PAM: variants seen among roughly 807,000 people sequenced by gnomAD.
PAM encodes peptidyl-glycine alpha-amidating monooxygenase.
A neutral mutation model predicts 122.1 loss-of-function variants in PAM; 72 were observed. That is an observed-to-expected ratio of 0.59 (90% confidence interval 0.49 to 0.72). The LOEUF (loss-of-function observed/expected upper bound fraction) is 0.72, where lower values mean the gene tolerates loss of function less well. PAM is among the 30% of genes least tolerant of loss of function. PAM has a pLI of 0.00. For synonymous variants in PAM, 389 were observed against 404.4 expected (o/e 0.96, Z 0.46); for missense variants, 1,106 against 1,183.7 (o/e 0.93, Z 0.96).
chr5:102,773,767 G>A (rs1756413799), intron 1 of PAM, among the ~76,000 whole-genome samples: 1 of 151,954 alleles, frequency 6.6e-6, no homozygotes, highest in African/African-American at 2.4e-5. Context: ...ACATGTGAAG[G>A]TGTGTTACAT....
chr5:103,007,296 T>C (rs1251639428), intron 19 of PAM, among the ~76,000 whole-genome samples, 161 bp from the exon 20 acceptor site: 2 of 152,130 alleles, frequency 1.3e-5, no homozygotes, highest in Non-Finnish European at 2.9e-5. Context: ...TATTTGTGGA[T>C]AAAAGACATT....
chr5:102,934,014 G>T (rs1752446013), intron 7 of PAM, among the ~76,000 whole-genome samples: 1 of 152,158 alleles, frequency 6.6e-6, no homozygotes, highest in Non-Finnish European at 1.5e-5. Context: ...CTGCTTTCCA[G>T]TGAGATACAT....
At chr5:103,008,981 C>G (rs560353910) in intron 20 of PAM, among the ~76,000 whole-genome samples, 1 of 152,162 alleles carries the variant, frequency 6.6e-6, no homozygotes, top group Non-Finnish European at 1.5e-5. Context: ...TCCTAGAAAA[C>G]TATAATCCTT....
intron 1 of PAM, among the ~76,000 whole-genome samples, chr5:102,779,322 T>G (rs2149835950): frequency 6.6e-6 from 1 of 152,022 alleles, no homozygotes; most frequent in Non-Finnish European, 1.5e-5. Flanking sequence ...TAAGATAATG[T>G]GTATTTCATT....
At chr5:102,993,693 T>G (rs1184665104) in intron 16 of PAM, among the ~76,000 whole-genome samples, 5 of 152,136 alleles carry the variant, frequency 3.3e-5, no homozygotes, top group African/African-American at 1.2e-4. Flanking sequence ...CATCAGGATC[T>G]GTTTTACAGC....
intron 1 of PAM, among the ~76,000 whole-genome samples, chr5:102,835,577 A>C (rs1776794605): frequency 6.6e-6 from 1 of 152,168 alleles, no homozygotes; most frequent in Non-Finnish European, 1.5e-5. Context: ...CACAAGTGTG[A>C]GGGAAATTAT....
intron 15 of PAM, among the ~76,000 whole-genome samples, chr5:102,981,401 A>G (rs1769794263): frequency 6.6e-6 from 1 of 152,240 alleles, no homozygotes; most frequent in Admixed American, 6.5e-5. Context: ...ATTGATAGTA[A>G]TCAGCCAATT....
rs1781887267 is a variant in PAM at position 103,016,042 on chromosome 5, C to G, written c.2332-1292C>G. ...CTATCATTTGGTAGTCTTTTGCCATCCATTAACTGAACCTCCCAAAAAAGA... is the reference window on the plus strand; with the variant it reads ...CTATCATTTGGTAGTCTTTTGCCATGCATTAACTGAACCTCCCAAAAAAGA... On this transcript the variant is annotated intron_variant, in intron 21 of 25. Transcript: ENST00000438793. Among the ~76,000 whole-genome samples the G allele has an allele frequency of 2.0e-5, 3 of 152,234 alleles. No individual in the cohort carries two copies. The South Asian group carries it at 6.2e-4, about 32-fold the overall frequency.
chr5:102,851,143 T>C (rs1382239859), intron 1 of PAM, among the ~76,000 whole-genome samples: 1 of 152,202 alleles, frequency 6.6e-6, no homozygotes, highest in Non-Finnish European at 1.5e-5. Context: ...AAAAGTGGGA[T>C]TGCTTTCCCT....
intron 24 of PAM, 100 bp downstream of exon 24, chr5:103,025,434 G>T: frequency 2.2e-6 from 2 of 908,034 alleles, no homozygotes; most frequent in Admixed American, 2.1e-5. Context: ...CACTGTATTT[G>T]TTTTTTTGTT....
intron 15 of PAM, among the ~76,000 whole-genome samples, chr5:102,982,332 T>C (rs1052320708): frequency 2.6e-5 from 4 of 152,132 alleles, no homozygotes; most frequent in Non-Finnish European, 5.9e-5. Context: ...TCAGTGCTGA[T>C]ACTGCCTTTA....
At chr5:102,852,821 T>C (rs985727244) in intron 1 of PAM, among the ~76,000 whole-genome samples, 8 of 152,188 alleles carry the variant, frequency 5.3e-5, no homozygotes. Flanking sequence ...GTAAACTTGA[T>C]TACACATACA....
intron 16 of PAM, among the ~76,000 whole-genome samples, chr5:102,993,312 C>A (rs985095011): frequency 2.0e-5 from 3 of 152,078 alleles, no homozygotes; most frequent in Non-Finnish European, 4.4e-5. Context: ...CCAGCAGGAA[C>A]TGGGTAGCTT....
intron 1 of PAM, among the ~76,000 whole-genome samples, chr5:102,855,718 G>A (rs2150790566): frequency 6.6e-6 from 1 of 151,882 alleles, no homozygotes; most frequent in Middle Eastern, 3.4e-3. Flanking sequence ...AATCAAACAG[G>A]AAAAAAAGTC....
At chr5:102,885,213 A>G (rs1008444858) in intron 3 of PAM, among the ~76,000 whole-genome samples, 1 of 151,920 alleles carries the variant, frequency 6.6e-6, no homozygotes, top group Non-Finnish European at 1.5e-5. Context: ...AAATATCACT[A>G]GAACATTTTA....
In PAM at chr5:102,838,155, C is replaced by T. The variant is rs1046031029; in HGVS notation, c.-373-27668C>T. The T allele has an allele frequency of 9.7e-4, 148 of 152,190 alleles. 1 individual carries two copies. Among genetic ancestry groups the T allele is most frequent in the Admixed American group, 9.7e-3 (148 of 15,272 alleles). 9.4% of individuals were successfully genotyped at this position (152,190 alleles called of 1,614,324 possible). A position where few individuals can be genotyped will look rare whatever the true frequency, so the allele number is the denominator to read the frequency against. Reference sequence around the variant, plus strand: ...TTTTAAAAATGTAAATAAGTATCATCAATTTGTGGATTAGCAGTCATTGCC... The same window carrying T: ...TTTTAAAAATGTAAATAAGTATCATTAATTTGTGGATTAGCAGTCATTGCC... On this transcript the variant is annotated intron_variant, in intron 1 of 25. Coordinates refer to ENST00000438793, the MANE Select transcript of PAM (RefSeq NM_001177306.2).
chr5:102,906,744 C>T lies in PAM; in HGVS notation c.268+5331C>T, dbSNP rs1799670477. ...TTGTGATTATTAAGTGAGGGAGTTGCCTAATGAGAATGAGGAGTGGATGTA... is the reference window on the plus strand; with the variant it reads ...TTGTGATTATTAAGTGAGGGAGTTGTCTAATGAGAATGAGGAGTGGATGTA... On this transcript the variant is annotated intron_variant, in intron 4 of 25. Coordinates refer to ENST00000438793, the MANE Select transcript of PAM (RefSeq NM_001177306.2). 2.0e-5 allele frequency among the ~76,000 whole-genome samples: 3 copies of T among 151,566 alleles called. No individual in the cohort carries two copies. In the Admixed American group the frequency reaches 2.0e-4, roughly 10 times the overall value.
intron 6 of PAM, among the ~76,000 whole-genome samples, chr5:102,926,093 CTTT>C (rs546341167): frequency 6.8e-6 from 1 of 146,944 alleles, no homozygotes; most frequent in Non-Finnish European, 1.5e-5. Context: ...TTATGTATGT[CTTT>C]TTTTTTTTTG....
intron 21 of PAM, among the ~76,000 whole-genome samples, chr5:103,013,535 T>C (rs1017231436): frequency 6.6e-6 from 1 of 152,200 alleles, no homozygotes; most frequent in Non-Finnish European, 1.5e-5. Flanking sequence ...CCTTTCCAAT[T>C]TGATGTCCTT....
Sources: gnomAD v4.1 joint callset for allele counts (sites outside exome capture counted in the v4.1 genomes callset) on GRCh38, gnomAD v4.1.1 for gene constraint, MANE v1.5 for transcripts, NCBI Gene and HGNC (gene_info 2026-07-23, HGNC 2026-07-21) for gene names.